SEC22A: variants seen among roughly 807,000 people sequenced by gnomAD.
The protein encoded by SEC22A is SEC22 homolog A, vesicle trafficking protein.
A neutral mutation model predicts 35.3 loss-of-function variants in SEC22A; 22 were observed. The ratio of observed to expected loss-of-function variants is 0.62; its 90% confidence interval spans 0.45 to 0.89. The LOEUF is 0.89. Among genes scored for constraint, SEC22A ranks in the 40% least tolerant of loss-of-function variants. SEC22A has a pLI of 0.00. For missense variants in SEC22A, 354 were observed against 362.5 expected (o/e 0.98, Z 0.19); for synonymous variants, 119 against 129.5 (o/e 0.92, Z 0.55).
intron 4 of SEC22A, among the ~76,000 whole-genome samples, chr3:123,245,497 C>T (rs1222046472): frequency 6.6e-6 from 1 of 151,976 alleles, no homozygotes; most frequent in Non-Finnish European, 1.5e-5. Flanking sequence ...GAGTTCAAGA[C>T]CAGCTTGGGC....
At chr3:123,220,399 C>T (rs1937097845) in intron 2 of SEC22A, among the ~76,000 whole-genome samples, 1 of 152,028 alleles carries the variant, frequency 6.6e-6, no homozygotes, top group African/African-American at 2.4e-5. Flanking sequence ...TTGATAATGA[C>T]AGTGAAGATT....
At chr3:123,245,822 A>G (rs935613491) in intron 4 of SEC22A, 77 bp from the exon 5 acceptor site, 21 of 752,670 alleles carry the variant, frequency 2.8e-5, no homozygotes, top group Non-Finnish European at 4.9e-5. Flanking sequence ...TAAGTTGAGC[A>G]GTGAATTTCT....
chr3:123,240,524 G>A (rs908438717), intron 4 of SEC22A, among the ~76,000 whole-genome samples: 1 of 152,078 alleles, frequency 6.6e-6, no homozygotes, highest in Non-Finnish European at 1.5e-5. Flanking sequence ...ACCACAATTT[G>A]TTTATTTATT....
chr3:123,252,995 C>CT (rs563461423), intron 5 of SEC22A, among the ~76,000 whole-genome samples: 108 of 152,174 alleles, frequency 7.1e-4, no homozygotes, highest in African/African-American at 2.5e-3. Flanking sequence ...AAGGCATAAG[C>CT]TTTTTTCACA....
chr3:123,271,534 G>A lies in SEC22A; in HGVS notation c.736G>A (p.Val246Ile). The A allele has an allele frequency of 1.2e-6, 2 of 1,612,766 alleles. No homozygotes were observed. The highest frequency in any genetic ancestry group is 1.7e-6 in the Non-Finnish European group (2 of 1,179,720). ...AACLYQCYLL[V>I]YYTGWRNVKS... ...ATATTTTGAACAGTGTTATTTACTTGTCTACTACACCGGCTGGCGGAATGT... is the reference window on the plus strand; with the variant it reads ...ATATTTTGAACAGTGTTATTTACTTATCTACTACACCGGCTGGCGGAATGT... Residue 246 changes from valine (V) to isoleucine (I), a missense_variant, in exon 7 of 7, where the codon GTC becomes ATC. Transcript: ENST00000492595.
chr3:123,219,697 C>T (rs1358840895), intron 2 of SEC22A, among the ~76,000 whole-genome samples: 1 of 152,154 alleles, frequency 6.6e-6, no homozygotes, highest in African/African-American at 2.4e-5. Context: ...TCTCTTCTTT[C>T]TCCTCAAGGC....
At chr3:123,235,239 A>T (rs1046421654) in intron 4 of SEC22A, among the ~76,000 whole-genome samples, 18 of 152,188 alleles carry the variant, frequency 1.2e-4, no homozygotes, top group African/African-American at 4.3e-4. Flanking sequence ...AAGAAAATGA[A>T]AAGGCAACCG....
chr3:123,223,570 C>A lies in SEC22A; in HGVS notation c.194C>A (p.Ser65Tyr). The A allele has an allele frequency of 6.2e-7, 1 of 1,612,804 alleles. No individual in the cohort carries two copies. The change falls in exon 3 of 7, where the codon TCT becomes TAT. Residue 65 changes from serine (S) to tyrosine (Y), a missense_variant. By Grantham distance (144) the Ser-to-Tyr change is moderately radical (BLOSUM62 -2). Transcript: ENST00000492595. ...TGHYNINFIS[S>Y]LGVSYMMLCT... ...TTTTTACACTGTAGTTTTATTAGCT[C>A]TCTGGGAGTGAGCTACATGATGTTG...
rs781566568 is a variant in SEC22A at position 123,225,126 on chromosome 3, C to T, written c.370C>T (p.Gln124Ter). ...AGATAACTTCATTCAGAGGACCAAG[C>T]AGCGATATAATAATCCCAGGTCTCT... Reference protein sequence around the residue: ...EFDNFIQRTKQRYNNPRSLST... With the variant: ...EFDNFIQRTK The change falls in exon 4 of 7, where the codon CAG becomes TAG. Residue 124 changes from glutamine to a stop codon, truncating the protein, a stop_gained. Coordinates refer to ENST00000492595, the MANE Select transcript of SEC22A (RefSeq NM_012430.5). LOFTEE classifies it high-confidence loss of function. The T allele has an allele frequency of 2.5e-6, 4 of 1,607,394 alleles. No homozygotes were observed. In the Admixed American group the frequency reaches 5.0e-5, roughly 20 times the overall value.
rs913870580 is a variant in SEC22A, at chr3:123,267,742, A to T, written c.724-3780A>T. Among the ~76,000 whole-genome samples, 3 of 152,042 alleles carry T rather than the reference A, an allele frequency of 2.0e-5. No homozygotes were observed. In the East Asian group the frequency reaches 5.8e-4, roughly 29 times the overall value. Reference sequence around the variant, plus strand: ...GAGAGCTTCCTCTAACCATTCTTTTATGGTAGATCTGCTAGCAGCAAATTA... The same window carrying T: ...GAGAGCTTCCTCTAACCATTCTTTTTTGGTAGATCTGCTAGCAGCAAATTA... On this transcript the variant is annotated intron_variant, in intron 6 of 6. Coordinates refer to ENST00000492595, the MANE Select transcript of SEC22A (RefSeq NM_012430.5).
intron 2 of SEC22A, among the ~76,000 whole-genome samples, chr3:123,222,792 G>A (rs1414628676): frequency 6.6e-6 from 1 of 152,078 alleles, no homozygotes; most frequent in Non-Finnish European, 1.5e-5. Context: ...TTGCAACTAA[G>A]AAACAATCCA....
chr3:123,258,784 A>T (rs1937803589), intron 5 of SEC22A, among the ~76,000 whole-genome samples: 1 of 152,226 alleles, frequency 6.6e-6, no homozygotes, highest in Admixed American at 6.5e-5. Context: ...AAGAAAAAAA[A>T]ATGTAATGCT....
chr3:123,264,129 G>A (rs1937966019), intron 6 of SEC22A, among the ~76,000 whole-genome samples: 1 of 151,948 alleles, frequency 6.6e-6, no homozygotes, highest in Non-Finnish European at 1.5e-5. Context: ...GGCTGGTCTT[G>A]GACTCCTGGC....
chr3:123,272,846 A>T lies in SEC22A; in HGVS notation c.*1124A>T, dbSNP rs147544159. The T allele has an allele frequency of 4.5e-5, 7 of 153,900 alleles. No individual in the cohort carries two copies. The highest frequency in any genetic ancestry group is 1.0e-4 in the Non-Finnish European group (7 of 68,040). The allele number at this position is 153,900 out of a possible 1,614,324, so 9.5% of individuals were successfully genotyped here. On this transcript the variant is annotated 3_prime_UTR_variant, in exon 7 of 7. Coordinates refer to ENST00000492595, the MANE Select transcript of SEC22A (RefSeq NM_012430.5). Reference sequence around the variant, plus strand: ...TGGGTCCGCACTATGGAAATGCTTGACTGTAGTAAGAATCAGAAGGTGGCT... The same window carrying T: ...TGGGTCCGCACTATGGAAATGCTTGTCTGTAGTAAGAATCAGAAGGTGGCT...
intron 5 of SEC22A, among the ~76,000 whole-genome samples, chr3:123,252,652 A>C (rs1286612570): frequency 6.6e-6 from 1 of 152,206 alleles, no homozygotes; most frequent in Non-Finnish European, 1.5e-5. Context: ...ATTTATCTCT[A>C]GTATCTTGAG....
Position 123,273,503 on chromosome 3 carries a change from G to C in SEC22A, c.*1781G>C, listed in dbSNP as rs1316609315. On this transcript the variant is annotated 3_prime_UTR_variant, in exon 7 of 7. Coordinates refer to ENST00000492595, the MANE Select transcript of SEC22A (RefSeq NM_012430.5). ...ATTTTGTAGCCAGGAAAGTGAAGTG[G>C]TTCAATTTAGAAAGGGTTTCAGGCC... 2 of 152,176 alleles carry C rather than the reference G, an allele frequency of 1.3e-5. No homozygotes were observed. Among genetic ancestry groups the C allele is most frequent in the African/African-American group, 4.8e-5 (2 of 41,414 alleles). The allele number at this position is 152,176 out of a possible 1,614,324, so 9.4% of individuals were successfully genotyped here.
At chr3:123,240,825 T>TG (rs1937513613) in intron 4 of SEC22A, among the ~76,000 whole-genome samples, 1 of 152,152 alleles carries the variant, frequency 6.6e-6, no homozygotes, top group Non-Finnish European at 1.5e-5. Context: ...AAAAAAAACT[T>TG]CACAAAACCC....
intron 5 of SEC22A, among the ~76,000 whole-genome samples, chr3:123,253,091 C>T (rs1311474362): frequency 6.6e-6 from 1 of 152,046 alleles, no homozygotes; most frequent in Non-Finnish European, 1.5e-5. Flanking sequence ...AAGTAATTTG[C>T]ATATGGCACA....
chr3:123,205,347 A>G (rs1288704644), intron 1 of SEC22A, among the ~76,000 whole-genome samples: 1 of 152,194 alleles, frequency 6.6e-6, no homozygotes, highest in Non-Finnish European at 1.5e-5. Context: ...TTTGACAGGG[A>G]ATGTAACTAC....
Sources: gnomAD v4.1 joint callset for allele counts (sites outside exome capture counted in the v4.1 genomes callset) on GRCh38, gnomAD v4.1.1 for gene constraint, MANE v1.5 for transcripts, NCBI Gene and HGNC (gene_info 2026-07-23, HGNC 2026-07-21) for gene names.